Variants in UBE2E2 observed in about 807,000 individuals in gnomAD.
UBE2E2 encodes ubiquitin-conjugating enzyme E2 E2.
Under a neutral mutation model 24.7 loss-of-function variants are expected in UBE2E2, and 6 were observed. The ratio of observed to expected loss-of-function variants is 0.24; its 90% CI spans 0.13 to 0.48. UBE2E2 has a LOEUF of 0.48. Among genes scored for constraint, UBE2E2 ranks in the 20% least tolerant of loss-of-function variants. The probability of loss-of-function intolerance (pLI) is 0.99; values close to 1 mark genes in which losing one functional copy is unlikely to be tolerated. For synonymous variants in UBE2E2, 104 were observed against 83.6 expected (o/e 1.24, Z -1.33); for missense variants, 169 against 245.0 (o/e 0.69, Z 2.07).
At chr3:23,454,706 G>A (rs544471875) in intron 3 of UBE2E2, among the ~76,000 whole-genome samples, 1 of 152,138 alleles carries the variant, frequency 6.6e-6, no homozygotes, top group African/African-American at 2.4e-5. Flanking sequence ...TAGAATAACA[G>A]CTCTTTTAAA....
At chr3:23,495,558 T>G (rs1427384676) in intron 3 of UBE2E2, among the ~76,000 whole-genome samples, 1 of 152,240 alleles carries the variant, frequency 6.6e-6, no homozygotes, top group Admixed American at 6.5e-5. Flanking sequence ...ACTGAATTTA[T>G]TCATCTACCT....
intron 5 of UBE2E2, among the ~76,000 whole-genome samples, chr3:23,555,953 A>G (rs1010342262): frequency 1.9e-4 from 29 of 152,218 alleles, no homozygotes; most frequent in African/African-American, 6.3e-4. Context: ...CATAAGGACT[A>G]TAGTTAATAA....
At chr3:23,263,265 A>G (rs1333488681) in intron 3 of UBE2E2, among the ~76,000 whole-genome samples, 1 of 152,242 alleles carries the variant, frequency 6.6e-6, no homozygotes, top group Admixed American at 6.5e-5. Context: ...TAAATCTTTT[A>G]TACAGATATT....
intron 3 of UBE2E2, among the ~76,000 whole-genome samples, chr3:23,333,090 C>T (rs1695109962): frequency 6.6e-6 from 1 of 152,134 alleles, no homozygotes; most frequent in Non-Finnish European, 1.5e-5. Flanking sequence ...TGGTTCTGTT[C>T]TTTAATAGAT....
chr3:23,431,178 C>G (rs1488893160), intron 3 of UBE2E2, among the ~76,000 whole-genome samples: 1 of 152,124 alleles, frequency 6.6e-6, no homozygotes. Flanking sequence ...GCTTGAGATA[C>G]GACAAAGGAA....
rs572585494 is a variant in UBE2E2, at chr3:23,590,017, C to A, written c.*186C>A. On this transcript the variant is annotated 3_prime_UTR_variant, in exon 6 of 6. Transcript: ENST00000396703. ...TTCCTGCCCCCCTTCCTCTCTCCCA[C>A]GCTCTCTTTTATCTCTCATTTTATT... 3 of 533,158 alleles carry A rather than the reference C, an allele frequency of 5.6e-6. No individual in the cohort carries two copies. The highest frequency in any genetic ancestry group is 6.7e-6 in the Non-Finnish European group (2 of 297,166). The allele number at this position is 533,158 out of a possible 1,614,324, so 33.0% of individuals were successfully genotyped here.
chr3:23,399,622 T>C (rs1021990111), intron 3 of UBE2E2, among the ~76,000 whole-genome samples: 3 of 152,186 alleles, frequency 2.0e-5, no homozygotes, highest in African/African-American at 7.2e-5. Context: ...ATTTTTGGGC[T>C]ACAGTTGACC....
At chr3:23,221,622 G>A (rs1696645530) in intron 3 of UBE2E2, among the ~76,000 whole-genome samples, 2 of 151,824 alleles carry the variant, frequency 1.3e-5, no homozygotes, top group African/African-American at 4.8e-5. Context: ...CATCCATGTT[G>A]CTGCATGCGT....
intron 3 of UBE2E2, among the ~76,000 whole-genome samples, chr3:23,306,170 T>G (rs1291118325): frequency 6.6e-6 from 1 of 152,196 alleles, no homozygotes; most frequent in Non-Finnish European, 1.5e-5. Flanking sequence ...AACTTTTCAT[T>G]TTATAACAGT....
intron 3 of UBE2E2, among the ~76,000 whole-genome samples, chr3:23,379,095 TTGAC>T (rs1225938400): frequency 1.3e-5 from 2 of 152,176 alleles, no homozygotes; most frequent in African/African-American, 4.8e-5. Context: ...AAAATGCTGT[TTGAC>T]TGTCTTGTGA....
At chr3:23,221,200 TG>T (rs1559444521) in intron 3 of UBE2E2, among the ~76,000 whole-genome samples, 7 of 152,212 alleles carry the variant, frequency 4.6e-5, no homozygotes. Context: ...AAAAAGAGGA[TG>T]TAGTTATACT....
chr3:23,503,932 G>T (rs1014916011), intron 4 of UBE2E2, among the ~76,000 whole-genome samples: 2 of 152,086 alleles, frequency 1.3e-5, no homozygotes, highest in East Asian at 3.9e-4. Context: ...TAATATGTAA[G>T]TATTTTAATG....
chr3:23,213,929 G>A (rs887932766), intron 2 of UBE2E2, among the ~76,000 whole-genome samples: 1 of 152,040 alleles, frequency 6.6e-6, no homozygotes, highest in South Asian at 2.1e-4. Flanking sequence ...CCTGAAATAG[G>A]TACCTTTCTT....
intron 3 of UBE2E2, among the ~76,000 whole-genome samples, chr3:23,352,321 G>C (rs567378980): frequency 6.6e-6 from 1 of 152,092 alleles, no homozygotes; most frequent in Non-Finnish European, 1.5e-5. Context: ...ACAATTAAAA[G>C]AGCTAGAAAA....
chr3:23,203,485 G>C, intron 1 of UBE2E2, 21 bp downstream of exon 1: 2 of 947,038 alleles, frequency 2.1e-6, no homozygotes, highest in Non-Finnish European at 2.4e-6. Flanking sequence ...GGGCCGCGCC[G>C]GTGCCTCCCC....
chr3:23,488,022 C>G (rs1308444848), intron 3 of UBE2E2, among the ~76,000 whole-genome samples: 1 of 151,364 alleles, frequency 6.6e-6, no homozygotes, highest in East Asian at 1.9e-4. Context: ...TAGGATGTCA[C>G]AACCAACCTT....
chr3:23,560,354 A>G (rs1180017974), intron 5 of UBE2E2, among the ~76,000 whole-genome samples: 3 of 151,890 alleles, frequency 2.0e-5, no homozygotes, highest in African/African-American at 4.8e-5. Flanking sequence ...GCTCAGAATG[A>G]TGGTTTCCAG....
At chr3:23,458,769 G>C (rs1698739571) in intron 3 of UBE2E2, among the ~76,000 whole-genome samples, 1 of 152,088 alleles carries the variant, frequency 6.6e-6, no homozygotes, top group Admixed American at 6.5e-5. Context: ...AATTAGTGCA[G>C]TAATTACCAA....
intron 3 of UBE2E2, among the ~76,000 whole-genome samples, chr3:23,418,343 C>T (rs756856350): frequency 2.6e-5 from 4 of 152,100 alleles, no homozygotes; most frequent in South Asian, 2.1e-4. Context: ...TCCTGGGTAA[C>T]GCAATGCCCC....
Sources: gnomAD v4.1 joint callset for allele counts (sites outside exome capture counted in the v4.1 genomes callset) on GRCh38, gnomAD v4.1.1 for gene constraint, MANE v1.5 for transcripts, NCBI Gene and HGNC (gene_info 2026-07-23, HGNC 2026-07-21) for gene names.